PLPPR1: variants seen among roughly 807,000 people sequenced by gnomAD.
The protein encoded by PLPPR1 is phospholipid phosphatase-related protein type 1.
A neutral mutation model predicts 33.1 loss-of-function variants in PLPPR1; 10 were observed. That is an observed-to-expected ratio of 0.30 (90% CI 0.19 to 0.51). PLPPR1 has a LOEUF of 0.51. Among genes scored for constraint, PLPPR1 ranks in the 20% least tolerant of loss-of-function variants. The pLI is 0.97. For synonymous variants in PLPPR1, 151 were observed against 151.0 expected (o/e 1.00, Z 0.00); for missense variants, 304 against 408.1 (o/e 0.74, Z 2.20).
chr9:101,130,210 G>T (rs559468053), intron 1 of PLPPR1, among the ~76,000 whole-genome samples: 16 of 152,242 alleles, frequency 1.1e-4, no homozygotes, highest in Admixed American at 6.5e-4. Flanking sequence ...AAAAAAATTT[G>T]TACAGAAACT....
chr9:101,061,108 G>A (rs898947632), intron 1 of PLPPR1, among the ~76,000 whole-genome samples: 1 of 151,810 alleles, frequency 6.6e-6, no homozygotes, highest in African/African-American at 2.4e-5. Context: ...TACCCTGATT[G>A]GGCCTGCATG....
Position 101,264,598 on chromosome 9 carries a change from G to A in PLPPR1, c.64-5282G>A, listed in dbSNP as rs147314434. 7.3e-3 allele frequency among the ~76,000 whole-genome samples: 1,113 copies of A among 152,350 alleles called. 12 individuals carry two copies. Among genetic ancestry groups the A allele is most frequent in the African/African-American group, 0.025 (1,026 of 41,580 alleles). On this transcript the variant is annotated intron_variant, in intron 2 of 7. Coordinates refer to ENST00000374874, the MANE Select transcript of PLPPR1 (RefSeq NM_207299.2). ...CAAATTACATGGGGTTGGAGAGCAT[G>A]TCTGAGAATTCCTCACCTTCACAGC... is the stretch of plus-strand genomic sequence containing the variant.
At chr9:101,288,571 A>T (rs1451892204) in intron 4 of PLPPR1, among the ~76,000 whole-genome samples, 3 of 148,774 alleles carry the variant, frequency 2.0e-5, no homozygotes, top group African/African-American at 7.6e-5. Context: ...AAAAATAAAA[A>T]AATAAAAAAA....
chr9:101,246,033 A>C lies in PLPPR1; in HGVS notation c.64-23847A>C, dbSNP rs1040780847. 9.8e-5 allele frequency among the ~76,000 whole-genome samples: 14 copies of C among 143,246 alleles called. No homozygotes were observed. The East Asian group carries it at 2.8e-3, about 28-fold the overall frequency. The allele number at this position is 143,246 out of a possible 152,430, so 94.0% of individuals were successfully genotyped here. ...GGGCTACTTGACCATAATCTCCCATATACCTCTCAAAATTGAATATGAATA... is the reference window on the plus strand; with the variant it reads ...GGGCTACTTGACCATAATCTCCCATCTACCTCTCAAAATTGAATATGAATA... On this transcript the variant is annotated intron_variant, in intron 2 of 7. Transcript: ENST00000374874.
rs73656173 is a variant in PLPPR1 at position 101,157,310 on chromosome 9, C to G, written c.-45-28140C>G. ...AGGTAGGATGGGTGATTAGGCATAT[C>G]AAGGTTTCACTAAGTAAGATGCAGA... On this transcript the variant is annotated intron_variant, in intron 1 of 7. Coordinates refer to ENST00000374874, the MANE Select transcript of PLPPR1 (RefSeq NM_207299.2). Among the ~76,000 whole-genome samples, 653 of 152,226 alleles carry G rather than the reference C, an allele frequency of 4.3e-3. 5 individuals carry two copies. The highest frequency in any genetic ancestry group is 0.015 in the African/African-American group (609 of 41,538).
chr9:101,209,162 T>A (rs1032060786), intron 2 of PLPPR1, among the ~76,000 whole-genome samples: 1 of 152,202 alleles, frequency 6.6e-6, no homozygotes, highest in Non-Finnish European at 1.5e-5. Flanking sequence ...GGCCCAGTAA[T>A]TCGTGTTTTA....
At chr9:101,030,302 T>C (rs1296217116) in intron 1 of PLPPR1, among the ~76,000 whole-genome samples, 4 of 151,132 alleles carry the variant, frequency 2.6e-5, no homozygotes, top group Non-Finnish European at 5.9e-5. Context: ...GAGGTGTGAC[T>C]AGAGGTTAAT....
chr9:101,096,845 G>C (rs1002093229), intron 1 of PLPPR1, among the ~76,000 whole-genome samples: 2 of 152,138 alleles, frequency 1.3e-5, no homozygotes, highest in African/African-American at 2.4e-5. Context: ...TGGAAGGATT[G>C]CTTGAGCCCA....
At chr9:101,259,689 G>T (rs914599646) in intron 2 of PLPPR1, among the ~76,000 whole-genome samples, 3 of 152,092 alleles carry the variant, frequency 2.0e-5, no homozygotes, top group Non-Finnish European at 2.9e-5. Flanking sequence ...GACACAGCTT[G>T]GTTTTATACA....
chr9:101,185,350 AT>A, intron 1 of PLPPR1, 99 bp from the exon 2 acceptor site: 1 of 509,534 alleles, frequency 2.0e-6, no homozygotes, highest in Non-Finnish European at 3.6e-6. Flanking sequence ...CAGCCTGCTT[AT>A]CTAGAAAGCT....
At chr9:101,144,682 TG>T in intron 1 of PLPPR1, among the ~76,000 whole-genome samples, 2 of 152,332 alleles carry the variant, frequency 1.3e-5, no homozygotes, top group Admixed American at 1.3e-4. Flanking sequence ...TGACATTTTG[TG>T]ATGGCAGCCC....
At chr9:101,319,502 C>G (rs968305111) in intron 7 of PLPPR1, among the ~76,000 whole-genome samples, 1 of 152,166 alleles carries the variant, frequency 6.6e-6, no homozygotes, top group Admixed American at 6.5e-5. Flanking sequence ...ACCTCCGTAT[C>G]TCCATTTTAG....
At chr9:101,282,539 A>G (rs1374134762) in intron 3 of PLPPR1, among the ~76,000 whole-genome samples, 1 of 152,220 alleles carries the variant, frequency 6.6e-6, no homozygotes, top group East Asian at 1.9e-4. Flanking sequence ...TATTCAACAT[A>G]GTACATAAAG....
intron 1 of PLPPR1, among the ~76,000 whole-genome samples, chr9:101,140,673 T>C (rs17762396): frequency 0.16 from 24,955 of 152,112 alleles, 2,285 homozygotes; most frequent in Non-Finnish European, 0.2. Flanking sequence ...GTTATACCCT[T>C]AGATAGTGTG....
In PLPPR1 at chr9:101,115,128, G is replaced by A. The variant is rs180715910; in HGVS notation, c.-45-70322G>A. 2.6e-5 allele frequency among the ~76,000 whole-genome samples: 4 copies of A among 152,282 alleles called. No homozygotes were observed. In the East Asian group the frequency reaches 7.7e-4, roughly 29 times the overall value. On this transcript the variant is annotated intron_variant, in intron 1 of 7. Coordinates refer to ENST00000374874, the MANE Select transcript of PLPPR1 (RefSeq NM_207299.2). ...CTGTCCCATCTCCACAGTACAGAAA[G>A]TACATTCATTTATGACACCTCAATC...
intron 7 of PLPPR1, among the ~76,000 whole-genome samples, chr9:101,321,248 A>C (rs1305285903): frequency 6.6e-6 from 1 of 152,186 alleles, no homozygotes; most frequent in Non-Finnish European, 1.5e-5. Flanking sequence ...CTGGATGGGG[A>C]GGGCATCAGT....
At chr9:101,249,870 T>A (rs10819913) in intron 2 of PLPPR1, among the ~76,000 whole-genome samples, 76,753 of 151,872 alleles carry the variant, frequency 0.51, 20,842 homozygotes, top group African/African-American at 0.72. Flanking sequence ...TCTTCTCATC[T>A]CTTGCTGGAC....
At chr9:101,136,908 C>T (rs373689621) in intron 1 of PLPPR1, among the ~76,000 whole-genome samples, 11 of 151,936 alleles carry the variant, frequency 7.2e-5, no homozygotes, top group Admixed American at 7.2e-4. Flanking sequence ...TTTGTTAGTA[C>T]AACAGAGTGA....
intron 1 of PLPPR1, among the ~76,000 whole-genome samples, chr9:101,160,179 AGT>A (rs1184717485): frequency 6.6e-6 from 1 of 152,190 alleles, no homozygotes; most frequent in Non-Finnish European, 1.5e-5. Flanking sequence ...AATAATTGCA[AGT>A]TGACCTTCCT....
Sources: allele counts gnomAD v4.1 joint callset (sites outside exome capture counted in the v4.1 genomes callset), GRCh38; gene constraint gnomAD v4.1.1; transcripts MANE v1.5; gene names NCBI Gene and HGNC (gene_info 2026-07-23, HGNC 2026-07-21).